The following TPCN1 variants were observed in gnomAD, a reference collection of about 807,000 sequenced individuals.
The protein encoded by TPCN1 is two pore channel protein 1.
In TPCN1, 52 loss-of-function variants were observed where a neutral mutation model predicts 108.8. The observed-to-expected ratio is 0.48, with a 90% CI of 0.38 to 0.60. The LOEUF is 0.60. TPCN1 is among the 20% of genes least tolerant of loss of function. The probability of loss-of-function intolerance (pLI) is 0.00; values close to 1 mark genes in which losing one functional copy is unlikely to be tolerated. For synonymous variants in TPCN1, 446 were observed against 433.7 expected (o/e 1.03, Z -0.35); for missense variants, 806 against 1,072.8 (o/e 0.75, Z 3.47).
At chr12:113,254,619 C>T (rs1417788116) in intron 2 of TPCN1, among the ~76,000 whole-genome samples, 1 of 152,048 alleles carries the variant, frequency 6.6e-6, no homozygotes, top group Non-Finnish European at 1.5e-5. Context: ...GAAGTATTTC[C>T]GATTTTTAAT....
chr12:113,278,259 T>C, intron 13 of TPCN1, 22 bp downstream of exon 13: 3 of 1,610,160 alleles, frequency 1.9e-6, no homozygotes, highest in Non-Finnish European at 2.5e-6. Flanking sequence ...TCTGAGACCA[T>C]AGAAGGAGTA....
In TPCN1 at chr12:113,288,275, G is replaced by T; in HGVS notation, c.1706+41G>T. 1 of 1,612,588 alleles carries T rather than the reference G, an allele frequency of 6.2e-7. No individual in the cohort carries two copies. Among genetic ancestry groups the T allele is most frequent in the Non-Finnish European group, 8.5e-7 (1 of 1,179,598 alleles). On this transcript the variant is annotated intron_variant, in intron 20 of 27. Coordinates refer to ENST00000335509, the MANE Select transcript of TPCN1 (RefSeq NM_017901.6). The surrounding 1 kb of genome is among the most constrained non-coding windows in gnomAD (Gnocchi z 4.8). Reference sequence around the variant, plus strand: ...ACCCTGGCCTGCAGGTCCAGGTGCCGTGTGGCAGTGCCCCGTGGGGGCGGG... The same window carrying T: ...ACCCTGGCCTGCAGGTCCAGGTGCCTTGTGGCAGTGCCCCGTGGGGGCGGG...
In TPCN1 at chr12:113,278,763, G is replaced by A. The variant is rs1449962800; in HGVS notation, c.1234-9G>A. On this transcript the variant is annotated splice_polypyrimidine_tract_variant and intron_variant, in intron 13 of 27. Coordinates refer to ENST00000335509, the MANE Select transcript of TPCN1 (RefSeq NM_017901.6). ...TGACACCCTCCCTCTTGGTCCTGTT[G>A]TCTACCAGGCCAAGAAAAACAGAGA... is the stretch of plus-strand genomic sequence containing the variant. 5 of 1,613,748 alleles carry A rather than the reference G, an allele frequency of 3.1e-6. No individual in the cohort carries two copies. The highest frequency in any genetic ancestry group is 4.5e-5 in the East Asian group (2 of 44,882).
At chr12:113,261,156 C>T (rs966396939) in intron 3 of TPCN1, among the ~76,000 whole-genome samples, 2 of 152,058 alleles carry the variant, frequency 1.3e-5, no homozygotes, top group Non-Finnish European at 2.9e-5. Context: ...TGCACTTCAG[C>T]CTGGGTGACA....
Position 113,272,611 on chromosome 12 carries a change from G to A in TPCN1, c.749-47G>A, listed in dbSNP as rs779926508. ...CAGTCCTTTTGACACCAGGTTTTGG[G>A]ACCTCTGCTCTAATCCTTTTGTTTA... On this transcript the variant is annotated intron_variant, in intron 7 of 27. Transcript: ENST00000335509. This position sits in a 1 kb window ranked among gnomAD's most constrained non-coding sequence, Gnocchi z 4.1. The A allele has an allele frequency of 8.9e-6, 14 of 1,579,828 alleles. No homozygotes were observed. Among genetic ancestry groups the A allele is most frequent in the Non-Finnish European group, 1.2e-5 (14 of 1,148,958 alleles).
intron 10 of TPCN1, among the ~76,000 whole-genome samples, chr12:113,275,583 T>C (rs1955645266): frequency 6.6e-6 from 1 of 151,020 alleles, no homozygotes; most frequent in Non-Finnish European, 1.5e-5. Context: ...TTTCCTTTTT[T>C]TTTTTTTGAG....
intron 2 of TPCN1, among the ~76,000 whole-genome samples, chr12:113,253,243 T>C (rs944643088): frequency 2.0e-5 from 3 of 152,236 alleles, no homozygotes; most frequent in Admixed American, 2.0e-4. Context: ...ACAATGTATT[T>C]AGATAGGTAT....
intron 14 of TPCN1, 104 bp from the exon 15 acceptor site, chr12:113,280,047 G>A: frequency 1.2e-6 from 1 of 822,906 alleles, no homozygotes; most frequent in Non-Finnish European, 2.1e-6. Context: ...CGAAGAGTGT[G>A]GTAGGTGGTT....
chr12:113,287,115 G>A (rs749822943), intron 19 of TPCN1, 21 bp downstream of exon 19: 130 of 1,580,748 alleles, frequency 8.2e-5, no homozygotes, highest in African/African-American at 1.5e-4. Context: ...GGGCAGAGCC[G>A]GAGACAGGGA....
intron 26 of TPCN1, 73 bp downstream of exon 26, chr12:113,293,146 A>G (rs1956322820): frequency 1.2e-6 from 2 of 1,601,054 alleles, no homozygotes; most frequent in Admixed American, 1.7e-5. Context: ...CTTCCCTCAG[A>G]TATTGGTAAC....
chr12:113,271,032 C>T (rs917347663), intron 7 of TPCN1, among the ~76,000 whole-genome samples: 2 of 152,078 alleles, frequency 1.3e-5, no homozygotes, highest in African/African-American at 4.8e-5. Context: ...AGGAGGCAGG[C>T]AGATCGCTTG....
intron 2 of TPCN1, among the ~76,000 whole-genome samples, chr12:113,235,507 T>TAAA (rs35994827): frequency 1.4e-5 from 2 of 143,224 alleles, no homozygotes. Context: ...AGTAGTGGTT[T>TAAA]AAAAAAAAAA....
intron 2 of TPCN1, among the ~76,000 whole-genome samples, chr12:113,236,337 G>A (rs1953892950): frequency 6.6e-6 from 1 of 152,208 alleles, no homozygotes; most frequent in Non-Finnish European, 1.5e-5. Context: ...TTTGTTACCT[G>A]CCTGGTGCCT....
Position 113,296,163 on chromosome 12 carries a change from T to C in TPCN1, c.*87T>C. 6.5e-7 allele frequency: 1 copy of C among 1,529,554 alleles called. No individual in the cohort carries two copies. Among genetic ancestry groups the C allele is most frequent in the Non-Finnish European group, 8.9e-7 (1 of 1,124,592 alleles). The allele number at this position is 1,529,554 out of a possible 1,614,324, so 94.7% of individuals were successfully genotyped here. A position where few individuals can be genotyped will look rare whatever the true frequency, so the allele number is the denominator to read the frequency against. On this transcript the variant is annotated 3_prime_UTR_variant, in exon 28 of 28. Transcript: ENST00000335509. ...TACGGAACTGCGGTGTGTGTACACA[T>C]ACTCACGTATATGCACATATTTATA...
rs1340310070 is a variant in TPCN1 at position 113,273,437 on chromosome 12, C to A, written c.843-132C>A. On this transcript the variant is annotated intron_variant, in intron 9 of 27. Coordinates refer to ENST00000335509, the MANE Select transcript of TPCN1 (RefSeq NM_017901.6). The surrounding 1 kb of genome is among the most constrained non-coding windows in gnomAD (Gnocchi z 4.0). ...GGGTTGGCCCACTGAGCACGGAGCCCAGGGATGAGAGTAGGGGAACCAGGG... is the reference window on the plus strand; with the variant it reads ...GGGTTGGCCCACTGAGCACGGAGCCAAGGGATGAGAGTAGGGGAACCAGGG... The A allele has an allele frequency of 6.4e-6, 8 of 1,243,928 alleles. No homozygotes were observed. In the East Asian group the frequency reaches 1.9e-4, roughly 29 times the overall value. 77.1% of individuals were successfully genotyped at this position (1,243,928 alleles called of 1,614,324 possible).
intron 2 of TPCN1, among the ~76,000 whole-genome samples, chr12:113,234,792 T>C (rs921953618): frequency 6.6e-6 from 1 of 152,210 alleles, no homozygotes; most frequent in East Asian, 1.9e-4. Context: ...CTAATCATTG[T>C]CGTGTAGGAT....
intron 19 of TPCN1, chr12:113,287,397 A>T: frequency 2.8e-6 from 1 of 360,762 alleles, no homozygotes; most frequent in Non-Finnish European, 5.1e-6. Context: ...CAAGTCACAG[A>T]TCACAGAGCC....
Position 113,284,626 on chromosome 12 carries a change from T to A in TPCN1, c.1388T>A (p.Phe463Tyr), listed in dbSNP as rs781626906. ...VNGVWILVET[F>Y]MLKGGNFFSK... is the part of the protein sequence containing the mutation. ...GGGGTCTGGATCCTCGTGGAGACAT[T>A]TATGCTGAAAGGTGAGCCCCGCTCA... The change falls in exon 16 of 28, where the codon TTT (phenylalanine) becomes TAT (tyrosine). Residue 463 changes from phenylalanine (F) to tyrosine (Y), a missense_variant. Coordinates refer to ENST00000335509, the MANE Select transcript of TPCN1 (RefSeq NM_017901.6). The surrounding 1 kb of genome is among the most constrained non-coding windows in gnomAD (Gnocchi z 4.1). The A allele has an allele frequency of 6.2e-7, 1 of 1,614,066 alleles. No individual in the cohort carries two copies. The highest frequency in any genetic ancestry group is 8.5e-7 in the Non-Finnish European group (1 of 1,180,046).
chr12:113,244,581 C>T lies in TPCN1; in HGVS notation c.113-15787C>T, dbSNP rs7301272. On this transcript the variant is annotated intron_variant, in intron 2 of 27. Transcript: ENST00000335509. ...AGCCGGCACAGAAGCATGGTGGCAA[C>T]GCTGTGCCTGGAAAACTCATCAGTG... 1.2e-3 allele frequency: 1,135 copies of T among 985,408 alleles called. 12 individuals carry two copies. The African/African-American group carries it at 0.018, about 16-fold the overall frequency. The allele number at this position is 985,408 out of a possible 1,614,324, so 61.0% of individuals were successfully genotyped here.
Sources: allele counts gnomAD v4.1 joint callset (sites outside exome capture counted in the v4.1 genomes callset), GRCh38; gene constraint gnomAD v4.1.1; non-coding constraint Gnocchi (gnomAD v3.1); transcripts MANE v1.5; gene names NCBI Gene and HGNC (gene_info 2026-07-23, HGNC 2026-07-21).